Variants in TPH2 observed in about 807,000 individuals in gnomAD.
TPH2 encodes tryptophan 5-hydroxylase 2.
TPH2 carries 27 observed loss-of-function variants against 59.1 expected under a neutral mutation model. The ratio of observed to expected loss-of-function variants is 0.46; its 90% CI spans 0.34 to 0.63. TPH2 has a LOEUF of 0.63. TPH2 is among the 30% of genes least tolerant of loss of function. The pLI is 0.01. For missense variants in TPH2, 523 were observed against 588.3 expected (o/e 0.89, Z 1.15); for synonymous variants, 220 against 210.5 (o/e 1.05, Z -0.39).
At chr12:71,971,728 A>G (rs959664741) in intron 5 of TPH2, among the ~76,000 whole-genome samples, 1 of 152,208 alleles carries the variant, frequency 6.6e-6, no homozygotes, top group African/African-American at 2.4e-5. Context: ...ACCAGTCACT[A>G]GTACACTACT....
At chr12:72,003,303 G>A (rs1424283793) in intron 8 of TPH2, among the ~76,000 whole-genome samples, 5 of 152,144 alleles carry the variant, frequency 3.3e-5, no homozygotes, top group African/African-American at 9.7e-5. Context: ...AGCTGACAAA[G>A]GGCTGGGGGG....
At chr12:71,949,760 G>A (rs1871294211) in intron 5 of TPH2, 105 bp downstream of exon 5, 2 of 983,566 alleles carry the variant, frequency 2.0e-6, no homozygotes, top group African/African-American at 1.6e-5. Flanking sequence ...CAGAAAGCAG[G>A]TGTGAACCAT....
At chr12:72,012,851 T>A (rs774345888) in intron 8 of TPH2, among the ~76,000 whole-genome samples, 5 of 152,156 alleles carry the variant, frequency 3.3e-5, no homozygotes, top group Admixed American at 6.5e-5. Flanking sequence ...TAGGAAGTAG[T>A]GTTAAATAAG....
chr12:72,003,308 G>T (rs779566207), intron 8 of TPH2, among the ~76,000 whole-genome samples: 1 of 152,088 alleles, frequency 6.6e-6, no homozygotes, highest in Non-Finnish European at 1.5e-5. Flanking sequence ...ACAAAGGGCT[G>T]GGGGGAATGC....
chr12:71,983,123 G>T (rs1449340106), intron 7 of TPH2, among the ~76,000 whole-genome samples: 2 of 152,014 alleles, frequency 1.3e-5, no homozygotes, highest in Non-Finnish European at 2.9e-5. Context: ...AAGTTTTCTG[G>T]CCTGGAAGAC....
At chr12:71,994,163 CACTT>C (rs1409094595) in intron 7 of TPH2, among the ~76,000 whole-genome samples, 4 of 152,190 alleles carry the variant, frequency 2.6e-5, no homozygotes, top group African/African-American at 9.7e-5. Flanking sequence ...TACAATAAAA[CACTT>C]ACCATGTACT....
chr12:72,020,441 G>A (rs1873377910), intron 8 of TPH2, among the ~76,000 whole-genome samples: 1 of 152,128 alleles, frequency 6.6e-6, no homozygotes, highest in Admixed American at 6.6e-5. Flanking sequence ...AGGAGGAGTG[G>A]TAGTAAGTGC....
At chr12:72,022,147 T>C (rs989531223) in intron 8 of TPH2, among the ~76,000 whole-genome samples, 7 of 152,212 alleles carry the variant, frequency 4.6e-5, no homozygotes. Flanking sequence ...GGGATATAAT[T>C]TGACTCATAG....
intron 8 of TPH2, among the ~76,000 whole-genome samples, chr12:71,998,825 A>C (rs2139225529): frequency 6.6e-6 from 1 of 152,290 alleles, no homozygotes; most frequent in South Asian, 2.1e-4. Flanking sequence ...AAAGGAGAAA[A>C]ATCTATAGAG....
chr12:72,010,074 A>G (rs1873059660), intron 8 of TPH2, among the ~76,000 whole-genome samples: 2 of 152,212 alleles, frequency 1.3e-5, no homozygotes, highest in Admixed American at 6.5e-5. Flanking sequence ...TCCATTTTAC[A>G]CACAGGGAAC....
Position 71,994,544 on chromosome 12 carries a change from A to G in TPH2, c.1047A>G (p.Glu349=). The change falls in exon 8 of 11, where the codon GAA becomes GAG. Residue 349 remains glutamate (E), a synonymous_variant. Transcript: ENST00000333850. ...IGLASLGASD[E]DVQKLATCYF... ...TGGCGTCTCTGGGAGCATCAGATGA[A>G]GATGTTCAGAAACTAGCCACGGTGA... 6.2e-7 allele frequency: 1 copy of G among 1,613,958 alleles called. No homozygotes were observed. Among genetic ancestry groups the G allele is most frequent in the Non-Finnish European group, 8.5e-7 (1 of 1,179,862 alleles).
At chr12:72,002,258 C>A (rs557581975) in intron 8 of TPH2, among the ~76,000 whole-genome samples, 3 of 151,664 alleles carry the variant, frequency 2.0e-5, no homozygotes, top group South Asian at 4.2e-4. Flanking sequence ...TACTCCCAGG[C>A]GAGAAAGAAA....
intron 9 of TPH2, among the ~76,000 whole-genome samples, chr12:72,023,764 C>T (rs10879359): frequency 0.48 from 70,861 of 146,514 alleles, 19,226 homozygotes; most frequent in Non-Finnish European, 0.62. Context: ...GCGGAGGTTG[C>T]AGTGAGCCGA....
Position 71,979,081 on chromosome 12 carries a change from C to T in TPH2, c.935C>T (p.Pro312Leu), listed in dbSNP as rs756370445. The T allele has an allele frequency of 5.0e-6, 8 of 1,614,120 alleles. No homozygotes were observed. Among genetic ancestry groups the T allele is most frequent in the African/African-American group, 1.3e-5 (1 of 75,030 alleles). Reference protein sequence around the residue: ...IRHGSDPLYTPEPDTCHELLG... With the variant: ...IRHGSDPLYTLEPDTCHELLG... ...CATGGCTCAGATCCCCTCTACACCCCAGAACCGTGAGTACCTACATTAAAG... is the reference window on the plus strand; with the variant it reads ...CATGGCTCAGATCCCCTCTACACCCTAGAACCGTGAGTACCTACATTAAAG... The change falls in exon 7 of 11, where the codon CCA becomes CTA. Residue 312 changes from proline (P) to leucine (L), a missense_variant. Physicochemically the swap from Pro to Leu is moderately conservative, Grantham distance 98 (BLOSUM62 -3). Transcript: ENST00000333850.
intron 6 of TPH2, among the ~76,000 whole-genome samples, chr12:71,976,062 T>G (rs1872109737): frequency 6.6e-6 from 1 of 152,210 alleles, no homozygotes; most frequent in African/African-American, 2.4e-5. Context: ...AGACCCTGGA[T>G]GTAGAATGTC....
At chr12:71,979,978 G>A (rs1380524372) in intron 7 of TPH2, among the ~76,000 whole-genome samples, 1 of 150,584 alleles carries the variant, frequency 6.6e-6, no homozygotes, top group Admixed American at 6.6e-5. Context: ...AGACAGACAG[G>A]GAATATGGTG....
Position 71,994,523 on chromosome 12 carries a change from G to A in TPH2, c.1026G>A (p.Ala342=), listed in dbSNP as rs564050214. 116 of 1,613,936 alleles carry A rather than the reference G, an allele frequency of 7.2e-5. No homozygotes were observed. The highest frequency in any genetic ancestry group is 9.1e-5 in the Non-Finnish European group (107 of 1,179,862). ...FAQFSQEIGL[A]SLGASDEDVQ... ...AGTTTTCACAAGAAATAGGTCTGGC[G>A]TCTCTGGGAGCATCAGATGAAGATG... The change falls in exon 8 of 11, where the codon GCG becomes GCA. Residue 342 remains alanine, a synonymous_variant. Transcript: ENST00000333850.
chr12:71,993,558 C>T (rs1872627425), intron 7 of TPH2, among the ~76,000 whole-genome samples: 1 of 152,214 alleles, frequency 6.6e-6, no homozygotes, highest in Non-Finnish European at 1.5e-5. Context: ...CTTTTGCTCA[C>T]TTTCCTGGCT....
intron 8 of TPH2, among the ~76,000 whole-genome samples, chr12:72,013,058 T>C (rs535771445): frequency 9.5e-4 from 145 of 152,332 alleles, no homozygotes; most frequent in Non-Finnish European, 1.8e-3. Flanking sequence ...AAATCGCCTA[T>C]GTCGACATAT....
Sources: allele counts gnomAD v4.1 joint callset (sites outside exome capture counted in the v4.1 genomes callset), GRCh38; gene constraint gnomAD v4.1.1; transcripts MANE v1.5; gene names NCBI Gene and HGNC (gene_info 2026-07-23, HGNC 2026-07-21).